The following TPP2 variants were observed in gnomAD, a reference collection of about 807,000 sequenced individuals.
TPP2 encodes the protein tripeptidyl peptidase 2, also known as tripeptidyl-peptidase 2.
A neutral mutation model predicts 155.9 loss-of-function variants in TPP2; 34 were observed. That is an observed-to-expected ratio of 0.22 (90% CI 0.17 to 0.29). The LOEUF (loss-of-function observed/expected upper bound fraction) is 0.29, where lower values mean the gene tolerates loss of function less well. TPP2 is among the 10% of genes least tolerant of loss of function. TPP2 has a pLI of 1.00. For missense variants in TPP2, 1,028 were observed against 1,522.3 expected (o/e 0.68, Z 5.40); for synonymous variants, 510 against 529.4 (o/e 0.96, Z 0.50).
At chr13:102,640,235 A>C (rs1403864857) in intron 15 of TPP2, 35 bp from the exon 16 acceptor site, 1 of 1,429,496 alleles carries the variant, frequency 7.0e-7, no homozygotes, top group East Asian at 2.5e-5. Flanking sequence ...TCTTATAATA[A>C]ATATATACAT....
intron 28 of TPP2, among the ~76,000 whole-genome samples, 169 bp from the exon 29 acceptor site, chr13:102,676,127 T>C (rs1487768927): frequency 6.6e-6 from 1 of 152,190 alleles, no homozygotes; most frequent in Non-Finnish European, 1.5e-5. Flanking sequence ...AATACTCAGC[T>C]CTTTTGAAGA....
At chr13:102,637,025 T>C in intron 13 of TPP2, 57 bp from the exon 14 acceptor site, 1 of 1,529,328 alleles carries the variant, frequency 6.5e-7, no homozygotes, top group Non-Finnish European at 8.7e-7. Context: ...GTAACATTTT[T>C]AAATGGAAAA....
intron 27 of TPP2, chr13:102,667,638 A>G (rs547181411): frequency 1.8e-6 from 1 of 567,778 alleles, no homozygotes; most frequent in South Asian, 7.6e-5. Context: ...AGGAGAGGAA[A>G]GGAATACTCC....
chr13:102,649,437 A>G lies in TPP2; in HGVS notation c.2903A>G (p.Tyr968Cys), dbSNP rs1388915832. 1 of 1,613,088 alleles carries G rather than the reference A, an allele frequency of 6.2e-7. No homozygotes were observed. Residue 968 changes from tyrosine to cysteine, a missense_variant, in exon 23 of 30, where the codon TAT becomes TGT. Tyr to Cys is a radical substitution (Grantham distance 194). Transcript: ENST00000376052. Reference sequence around the variant, plus strand: ...CCTAAAGGGGCAGGACCTGGATGCTATCTTGCAGGATCCTTAACATTGTCA... The same window carrying G: ...CCTAAAGGGGCAGGACCTGGATGCTGTCTTGCAGGATCCTTAACATTGTCA... ...KIPKGAGPGC[Y>C]LAGSLTLSKT...
intron 16 of TPP2, among the ~76,000 whole-genome samples, chr13:102,641,390 T>C (rs1261371744): frequency 3.3e-5 from 5 of 152,236 alleles, no homozygotes; most frequent in Admixed American, 2.0e-4. Context: ...CTAAGCACTT[T>C]ACAGAGATTA....
At chr13:102,605,794 GCTCACTGCAAC>G in intron 2 of TPP2, among the ~76,000 whole-genome samples, 1 of 151,142 alleles carries the variant, frequency 6.6e-6, no homozygotes, top group East Asian at 1.9e-4. Context: ...TGCAATCTTG[GCTCACTGCAAC>G]CTCCGCCTCC....
intron 24 of TPP2, among the ~76,000 whole-genome samples, chr13:102,651,911 A>G (rs1883514660): frequency 6.6e-6 from 1 of 152,212 alleles, no homozygotes. Flanking sequence ...CAATGGATGT[A>G]GCAGGAACAG....
At chr13:102,597,966 GA>G (rs1879104412) in intron 1 of TPP2, among the ~76,000 whole-genome samples, 1 of 150,736 alleles carries the variant, frequency 6.6e-6, no homozygotes. Flanking sequence ...CAGACCTTAT[GA>G]AAATATGCGA....
intron 25 of TPP2, among the ~76,000 whole-genome samples, chr13:102,661,551 A>C (rs1371955564): frequency 6.6e-6 from 1 of 152,114 alleles, no homozygotes. Flanking sequence ...CAGCCCCCAG[A>C]ATATATAAAT....
chr13:102,636,557 T>C (rs925189814), intron 13 of TPP2, among the ~76,000 whole-genome samples, 165 bp downstream of exon 13: 5 of 152,222 alleles, frequency 3.3e-5, no homozygotes, highest in South Asian at 2.1e-4. Context: ...TAGAGCAATT[T>C]GGGGTCCTTG....
intron 20 of TPP2, 57 bp downstream of exon 20, chr13:102,646,447 G>T (rs2139538027): frequency 4.4e-6 from 6 of 1,377,714 alleles, no homozygotes; most frequent in South Asian, 3.9e-5. Flanking sequence ...TTTTATTTAT[G>T]ATTCATAGAA....
At chr13:102,620,842 C>A (rs899555291) in intron 5 of TPP2, among the ~76,000 whole-genome samples, 24 of 152,268 alleles carry the variant, frequency 1.6e-4, no homozygotes, top group African/African-American at 5.5e-4. Flanking sequence ...TAGTTGATTT[C>A]TTTACAGTGG....
In TPP2 at chr13:102,618,779, G is replaced by T; in HGVS notation, c.553G>T (p.Glu185Ter). 1 of 1,613,964 alleles carries T rather than the reference G, an allele frequency of 6.2e-7. No homozygotes were observed. The highest frequency in any genetic ancestry group is 8.5e-7 in the Non-Finnish European group (1 of 1,179,880). The change falls in exon 5 of 30, where the codon GAG becomes TAG. Residue 185 changes from glutamate (E) to a stop codon, truncating the protein, a stop_gained. Transcript: ENST00000376052. LOFTEE classifies it high-confidence loss of function. ...TCAAGTGGAATTGCTAAATTCTTTT[G>T]AGAAGAAATACAGCGATCCTGGCCC... Reference protein sequence around the residue: ...QSQVELLNSFEKKYSDPGPVY... With the variant: ...QSQVELLNSF
intron 1 of TPP2, among the ~76,000 whole-genome samples, chr13:102,602,323 A>G (rs563721661): frequency 1.3e-5 from 2 of 152,202 alleles, no homozygotes; most frequent in South Asian, 4.1e-4. Flanking sequence ...CTTCAGAATC[A>G]GTATCTGATT....
intron 7 of TPP2, 37 bp downstream of exon 7, chr13:102,627,203 G>C (rs1881685227): frequency 2.6e-6 from 4 of 1,517,014 alleles, no homozygotes; most frequent in South Asian, 2.8e-5. Flanking sequence ...GAAGATTAAT[G>C]ATTAATGATC....
intron 7 of TPP2, 64 bp from the exon 8 acceptor site, chr13:102,627,784 A>G: frequency 8.1e-6 from 10 of 1,232,108 alleles, no homozygotes; most frequent in Non-Finnish European, 1.2e-5. Context: ...ATATGCCCTT[A>G]TTTTACTGGC....
chr13:102,622,072 T>A (rs1178215766), intron 5 of TPP2, among the ~76,000 whole-genome samples: 1 of 152,218 alleles, frequency 6.6e-6, no homozygotes, highest in African/African-American at 2.4e-5. Flanking sequence ...TTCCAAAGTG[T>A]TGTAATTTGT....
rs553109721 is a variant in TPP2, at chr13:102,667,092, C to T, written c.3371+2167C>T. On this transcript the variant is annotated intron_variant, in intron 27 of 29. Coordinates refer to ENST00000376052, the MANE Select transcript of TPP2 (RefSeq NM_001330588.2). Reference sequence around the variant, plus strand: ...ATCAGGAAATACTTAGCATTTCTTACAGATGTCATCTATGGGCAAGTAGCA... The same window carrying T: ...ATCAGGAAATACTTAGCATTTCTTATAGATGTCATCTATGGGCAAGTAGCA... Among the ~76,000 whole-genome samples, 54 of 152,272 alleles carry T rather than the reference C, an allele frequency of 3.5e-4. 1 individual carries two copies. Among genetic ancestry groups the T allele is most frequent in the African/African-American group, 1.3e-3 (53 of 41,568 alleles).
intron 28 of TPP2, among the ~76,000 whole-genome samples, chr13:102,674,933 A>C (rs567976852): frequency 1.3e-5 from 2 of 152,144 alleles, no homozygotes; most frequent in African/African-American, 4.8e-5. Context: ...TATCATCTTG[A>C]TTTGTAGCTA....
Sources: gnomAD v4.1 joint callset for allele counts (sites outside exome capture counted in the v4.1 genomes callset) on GRCh38, gnomAD v4.1.1 for gene constraint, MANE v1.5 for transcripts, NCBI Gene and HGNC (gene_info 2026-07-23, HGNC 2026-07-21) for gene names.